Variants in MTMR2 observed in about 807,000 individuals in gnomAD.
MTMR2 encodes the protein phosphatidylinositol-3,5-bisphosphate 3-phosphatase MTMR2.
A neutral mutation model predicts 86.9 loss-of-function variants in MTMR2; 55 were observed. That is an observed-to-expected ratio of 0.63 (90% CI 0.51 to 0.79). The LOEUF is 0.79. Among genes scored for constraint, MTMR2 ranks in the 30% least tolerant of loss-of-function variants. The pLI, the probability that MTMR2 is intolerant of heterozygous loss-of-function variation, is 0.00. For synonymous variants in MTMR2, 241 were observed against 266.8 expected (o/e 0.90, Z 0.94); for missense variants, 659 against 772.3 (o/e 0.85, Z 1.74).
Position 95,909,882 on chromosome 11 carries a change from AG to A in MTMR2, c.80+13992del, listed in dbSNP as rs1382442025. On this transcript the variant is annotated intron_variant, in intron 1 of 14. Coordinates refer to ENST00000346299, the MANE Select transcript of MTMR2 (RefSeq NM_016156.6). Reference sequence around the variant, plus strand: ...CATTGTGGAAATACAAGAAGAGAATAGGAAGTCTACTTTTAAGAAGGCATCC... The same window carrying A: ...CATTGTGGAAATACAAGAAGAGAATAGAAGTCTACTTTTAAGAAGGCATCC... 2.6e-5 allele frequency among the ~76,000 whole-genome samples: 4 copies of A among 152,274 alleles called. No homozygotes were observed. In the East Asian group the frequency reaches 7.7e-4, roughly 29 times the overall value.
In MTMR2 at chr11:95,923,889, C is replaced by T. The variant is rs1236231300; in HGVS notation, c.66G>A (p.Val22=). The T allele has an allele frequency of 6.4e-7, 1 of 1,555,858 alleles. No homozygotes were observed. Among genetic ancestry groups the T allele is most frequent in the South Asian group, 1.2e-5 (1 of 84,476 alleles). ...GTCCTGGTTACCTGGACAAGGAGTC[C>T]ACGCTGGGCGGCCGAGCCGCCGCCG... ...SQPAAARPPS[V]DSLSSASTSH... The change falls in exon 1 of 15, where the codon GTG becomes GTA. Residue 22 remains valine, a synonymous_variant. Coordinates refer to ENST00000346299, the MANE Select transcript of MTMR2 (RefSeq NM_016156.6).
rs1353470975 is a variant in MTMR2, at chr11:95,889,439, T to A, written c.81-1178A>T. On this transcript the variant is annotated intron_variant, in intron 1 of 14. Coordinates refer to ENST00000346299, the MANE Select transcript of MTMR2 (RefSeq NM_016156.6). ...TGAGCCACTGCGCCTGGCCAAACTT[T>A]CGATACCTGATCACGCTTTTATTGT... is the stretch of plus-strand genomic sequence containing the variant. Among the ~76,000 whole-genome samples the A allele has an allele frequency of 8.0e-5, 12 of 149,852 alleles. No homozygotes were observed. In the East Asian group the frequency reaches 2.4e-3, roughly 30 times the overall value.
rs61735577 is a variant in MTMR2, at chr11:95,836,162, G to C, written c.1756C>G (p.Arg586Gly). 3 of 1,612,450 alleles carry C rather than the reference G, an allele frequency of 1.9e-6. No individual in the cohort carries two copies. In the Admixed American group the frequency reaches 5.0e-5, roughly 27 times the overall value. Reference sequence around the variant, plus strand: ...AAGGCACATACCTGTGGTTTCATCCGTGGATTCCACCTTATGTAATATCCC... The same window carrying C: ...AAGGCACATACCTGTGGTTTCATCCCTGGATTCCACCTTATGTAATATCCC... ...WVGYYIRWNPRMKPQEPIHNR... is the reference protein window; with the variant it reads ...WVGYYIRWNPGMKPQEPIHNR... The change falls in exon 14 of 15, where the codon CGG becomes GGG. Residue 586 changes from arginine (R) to glycine (G), a missense_variant. Arg to Gly is a moderately radical substitution (Grantham distance 125). Coordinates refer to ENST00000346299, the MANE Select transcript of MTMR2 (RefSeq NM_016156.6).
At chr11:95,873,279 T>A (rs1864966102) in intron 2 of MTMR2, among the ~76,000 whole-genome samples, 1 of 152,186 alleles carries the variant, frequency 6.6e-6, no homozygotes, top group Admixed American at 6.5e-5. Context: ...TTGCCTCAAT[T>A]TCAGAGCCTG....
At chr11:95,915,197 G>A (rs1260473819) in intron 1 of MTMR2, among the ~76,000 whole-genome samples, 1 of 152,026 alleles carries the variant, frequency 6.6e-6, no homozygotes, top group Admixed American at 6.6e-5. Context: ...GGGCTTCTTG[G>A]CTCGCTCAAG....
At chr11:95,903,369 C>T (rs988731329) in intron 1 of MTMR2, among the ~76,000 whole-genome samples, 9 of 152,146 alleles carry the variant, frequency 5.9e-5, no homozygotes, top group Admixed American at 2.6e-4. Context: ...TTATTACAGT[C>T]GTTCCCTTGC....
chr11:95,838,535 A>G (rs749462222), intron 12 of MTMR2, among the ~76,000 whole-genome samples: 1 of 152,218 alleles, frequency 6.6e-6, no homozygotes, highest in Admixed American at 6.6e-5. Flanking sequence ...TTTCAAGAAC[A>G]TAGTTGTTTT....
At chr11:95,902,880 C>T (rs1354392150) in intron 1 of MTMR2, among the ~76,000 whole-genome samples, 1 of 152,158 alleles carries the variant, frequency 6.6e-6, no homozygotes, top group Non-Finnish European at 1.5e-5. Flanking sequence ...AAGTATTCAA[C>T]CTCATGCCAT....
chr11:95,905,163 C>A (rs1000690715), intron 1 of MTMR2, among the ~76,000 whole-genome samples: 2 of 152,080 alleles, frequency 1.3e-5, no homozygotes, highest in Admixed American at 6.6e-5. Context: ...TTCCATCTCA[C>A]CTCCTTAACC....
chr11:95,871,392 C>T (rs940728920), intron 2 of MTMR2, among the ~76,000 whole-genome samples: 7 of 152,198 alleles, frequency 4.6e-5, no homozygotes, highest in African/African-American at 9.6e-5. Flanking sequence ...ACATCCTCTC[C>T]AGCACCTGTT....
At chr11:95,897,776 T>C (rs570124512) in intron 1 of MTMR2, among the ~76,000 whole-genome samples, 2 of 152,254 alleles carry the variant, frequency 1.3e-5, no homozygotes, top group Admixed American at 1.3e-4. Context: ...TCAGTAACTC[T>C]TCTCTCTAAA....
Position 95,862,305 on chromosome 11 carries a change from C to T in MTMR2, c.324G>A (p.Thr108=), listed in dbSNP as rs753769457. 5.6e-6 allele frequency: 9 copies of T among 1,613,966 alleles called. No individual in the cohort carries two copies. Among genetic ancestry groups the T allele is most frequent in the East Asian group, 4.5e-5 (2 of 44,860 alleles). The change falls in exon 4 of 15, where the codon ACG becomes ACA. Residue 108 remains threonine (T), a synonymous_variant. Coordinates refer to ENST00000346299, the MANE Select transcript of MTMR2 (RefSeq NM_016156.6). ...TGCTTTTGAAATATAACCTATAATT[C>T]GTGACAGTCAGAGTTCCTCGTACAG... ...TGAVRGTLTV[T]NYRLYFKSME... is the part of the protein sequence containing the mutation.
At chr11:95,842,790 A>G (rs1205814190) in intron 11 of MTMR2, among the ~76,000 whole-genome samples, 1 of 152,234 alleles carries the variant, frequency 6.6e-6, no homozygotes, top group Non-Finnish European at 1.5e-5. Flanking sequence ...TTATAATTAA[A>G]ACTGCATTCG....
At chr11:95,876,784 C>CT (rs2135518558) in intron 2 of MTMR2, among the ~76,000 whole-genome samples, 1 of 152,136 alleles carries the variant, frequency 6.6e-6, no homozygotes, top group African/African-American at 2.4e-5. Flanking sequence ...TTCCATGTGA[C>CT]TTTAACTTCT....
intron 7 of MTMR2, among the ~76,000 whole-genome samples, chr11:95,853,006 G>C (rs1864078312): frequency 6.6e-6 from 1 of 151,306 alleles, no homozygotes; most frequent in Middle Eastern, 3.4e-3. Context: ...CTGCACTCCA[G>C]CCTGGGTGAC....
At chr11:95,882,977 A>G (rs1482463850) in intron 2 of MTMR2, among the ~76,000 whole-genome samples, 2 of 137,318 alleles carry the variant, frequency 1.5e-5, no homozygotes, top group African/African-American at 5.7e-5. Context: ...CGATCTCCTG[A>G]CCTCGTGATC....
chr11:95,841,810 T>C, intron 11 of MTMR2, 101 bp from the exon 12 acceptor site: 1 of 959,522 alleles, frequency 1.0e-6, no homozygotes. Flanking sequence ...CTAAAAATTT[T>C]CAAAGTCGGG....
rs532975899 is a variant in MTMR2, at chr11:95,878,226, C to T, written c.186+9930G>A. ...ACACTAGATGATTCTAACTACATGA[C>T]ATTCTGGAAAAGGCAAAAATGTGGA... On this transcript the variant is annotated intron_variant, in intron 2 of 14. Coordinates refer to ENST00000346299, the MANE Select transcript of MTMR2 (RefSeq NM_016156.6). Among the ~76,000 whole-genome samples, 26 of 148,550 alleles carry T rather than the reference C, an allele frequency of 1.8e-4. 1 individual carries two copies. In the South Asian group the frequency reaches 5.3e-3, roughly 30 times the overall value.
Position 95,835,157 on chromosome 11 carries a change from G to C in MTMR2, c.*133C>G, listed in dbSNP as rs367677499. On this transcript the variant is annotated 3_prime_UTR_variant, in exon 15 of 15. Coordinates refer to ENST00000346299, the MANE Select transcript of MTMR2 (RefSeq NM_016156.6). ...CTGCTACAGTTCTAAACTCATCCTA[G>C]AGAGATTTAAAATAAATAAAGTGAC... The C allele has an allele frequency of 1.0e-4, 100 of 960,970 alleles. 1 individual carries two copies. The highest frequency in any genetic ancestry group is 6.3e-4 in the East Asian group (24 of 38,146). 59.5% of individuals were successfully genotyped at this position (960,970 alleles called of 1,614,324 possible).
Sources: allele counts gnomAD v4.1 joint callset (sites outside exome capture counted in the v4.1 genomes callset), GRCh38; gene constraint gnomAD v4.1.1; transcripts MANE v1.5; gene names NCBI Gene and HGNC (gene_info 2026-07-23, HGNC 2026-07-21).